RARB: variants seen among roughly 807,000 people sequenced by gnomAD.
RARB encodes the protein HBV-activated protein.
A neutral mutation model predicts 51.9 loss-of-function variants in RARB; 17 were observed. That is an observed-to-expected ratio of 0.33 (90% CI 0.22 to 0.49). RARB has a LOEUF of 0.49. Ranked by LOEUF, RARB falls within the 20% of genes least tolerant of loss-of-function variation. The pLI is 0.99. For missense variants in RARB, 369 were observed against 550.8 expected (o/e 0.67, Z 3.30); for synonymous variants, 215 against 195.4 (o/e 1.10, Z -0.84).
chr3:24,972,610 TG>T, intron 2 of RARB, among the ~76,000 whole-genome samples: 1 of 151,990 alleles, frequency 6.6e-6, no homozygotes, highest in Non-Finnish European at 1.5e-5. Context: ...CCACCAGCAG[TG>T]GTACAAGGGT....
chr3:25,010,559 G>A (rs761380843), intron 2 of RARB, among the ~76,000 whole-genome samples: 19 of 152,094 alleles, frequency 1.2e-4, no homozygotes, highest in Non-Finnish European at 2.4e-4. Context: ...TTATTGTAGG[G>A]ACTCACACTC....
chr3:25,503,175 G>A (rs75222858), intron 3 of RARB, among the ~76,000 whole-genome samples: 9,020 of 152,268 alleles, frequency 0.059, 292 homozygotes, highest in Non-Finnish European at 0.078. Flanking sequence ...TACATTTGAA[G>A]ATAGGAAGCT....
intron 5 of RARB, among the ~76,000 whole-genome samples, chr3:25,592,805 T>C (rs1367567713): frequency 6.6e-6 from 1 of 152,224 alleles, no homozygotes; most frequent in Non-Finnish European, 1.5e-5. Context: ...GCCCTTGATT[T>C]CCTCCTGGCT....
intron 3 of RARB, among the ~76,000 whole-genome samples, chr3:25,110,895 A>T (rs1295446139): frequency 6.6e-6 from 1 of 152,202 alleles, no homozygotes; most frequent in African/African-American, 2.4e-5. Flanking sequence ...TGAAAGACAC[A>T]TAAAGCCCCC....
chr3:24,987,600 C>T (rs973916792), intron 2 of RARB, among the ~76,000 whole-genome samples: 2 of 152,222 alleles, frequency 1.3e-5, no homozygotes, highest in East Asian at 1.9e-4. Context: ...TATATCCCTC[C>T]TGAGGGACTG....
At chr3:25,108,337 A>G (rs1699544392) in intron 3 of RARB, among the ~76,000 whole-genome samples, 1 of 152,212 alleles carries the variant, frequency 6.6e-6, no homozygotes, top group Non-Finnish European at 1.5e-5. Context: ...TATGTCTCAT[A>G]CAGAAGAGTC....
rs139461173 is a variant in RARB at position 25,126,641 on chromosome 3, C to T, written c.-327-5520C>T. Among the ~76,000 whole-genome samples, 489 of 152,254 alleles carry T rather than the reference C, an allele frequency of 3.2e-3. 4 individuals carry two copies. Among genetic ancestry groups the T allele is most frequent in the African/African-American group, 0.011 (459 of 41,546 alleles). ...AAATTATCTTTCCAGCCAGGTGATG[C>T]AGTGCTGCTGGCCCCAGACAATGCT... On this transcript the variant is annotated intron_variant, in intron 3 of 11. Transcript: ENST00000383772.
chr3:25,402,600 C>T (rs1027401655), intron 5 of RARB, among the ~76,000 whole-genome samples: 2 of 152,148 alleles, frequency 1.3e-5, no homozygotes, highest in East Asian at 1.9e-4. Context: ...GATACATATA[C>T]ACAATGGAGT....
intron 5 of RARB, among the ~76,000 whole-genome samples, chr3:25,359,072 T>C (rs1397350481): frequency 1.3e-5 from 2 of 152,202 alleles, no homozygotes; most frequent in Non-Finnish European, 2.9e-5. Context: ...TTCCTCTTTG[T>C]ACCTCTGGTA....
chr3:25,261,058 T>C (rs1702986166), intron 5 of RARB, among the ~76,000 whole-genome samples: 1 of 152,134 alleles, frequency 6.6e-6, no homozygotes, highest in South Asian at 2.1e-4. Context: ...CTAGGGTTGT[T>C]GTGGGAATTA....
chr3:24,859,658 T>C (rs1024684216), intron 2 of RARB, among the ~76,000 whole-genome samples: 1 of 152,218 alleles, frequency 6.6e-6, no homozygotes, highest in Non-Finnish European at 1.5e-5. Context: ...TGCAAAGATA[T>C]TAAAATCTGA....
chr3:24,904,621 A>G (rs1473561701), intron 2 of RARB, among the ~76,000 whole-genome samples: 2 of 152,240 alleles, frequency 1.3e-5, no homozygotes, highest in Non-Finnish European at 2.9e-5. Flanking sequence ...TCAAGGATAT[A>G]GAACTAGAAA....
chr3:25,024,398 G>A (rs1417008827), intron 2 of RARB, among the ~76,000 whole-genome samples: 1 of 152,134 alleles, frequency 6.6e-6, no homozygotes. Context: ...ATACAATTGT[G>A]TTGTGCTTTC....
At chr3:25,049,363 G>T (rs1292797524) in intron 2 of RARB, among the ~76,000 whole-genome samples, 2 of 152,312 alleles carry the variant, frequency 1.3e-5, no homozygotes, top group East Asian at 3.9e-4. Context: ...TCAAAAGTTT[G>T]CCAAGTATCG....
rs1575047060 is a variant in RARB at position 24,873,570 on chromosome 3, T to C, written c.-380+14818T>C. Among the ~76,000 whole-genome samples, 3 of 152,146 alleles carry C rather than the reference T, an allele frequency of 2.0e-5. No individual in the cohort carries two copies. In the East Asian group the frequency reaches 5.8e-4, roughly 29 times the overall value. The stretch of plus-strand genomic sequence containing the variant: ...ATTGTGGGTTCTCTCTACAGTAAGT[T>C]TTTTTAATTCTTCAATTCCTGTCCA... On this transcript the variant is annotated intron_variant, in intron 2 of 11. Transcript: ENST00000383772.
chr3:25,097,682 C>G (rs1324807836), intron 3 of RARB, among the ~76,000 whole-genome samples: 1 of 152,146 alleles, frequency 6.6e-6, no homozygotes, highest in Non-Finnish European at 1.5e-5. Flanking sequence ...TAATGGAGAG[C>G]AGTGCCACCA....
intron 2 of RARB, among the ~76,000 whole-genome samples, chr3:24,920,177 T>G (rs1695188775): frequency 6.6e-6 from 1 of 152,222 alleles, no homozygotes; most frequent in African/African-American, 2.4e-5. Flanking sequence ...TACTTTTAAT[T>G]TGGCAATTAG....
chr3:25,272,501 G>T (rs754408318), intron 5 of RARB, among the ~76,000 whole-genome samples: 2 of 152,180 alleles, frequency 1.3e-5, no homozygotes, highest in Non-Finnish European at 2.9e-5. Flanking sequence ...AGCTGGATCC[G>T]TTCCTACATC....
intron 2 of RARB, among the ~76,000 whole-genome samples, chr3:25,486,128 G>A (rs1287320348): frequency 6.6e-6 from 1 of 152,112 alleles, no homozygotes; most frequent in Non-Finnish European, 1.5e-5. Flanking sequence ...ATGCAAAAAG[G>A]GCCCATATTT....
Sources: allele counts gnomAD v4.1 joint callset (sites outside exome capture counted in the v4.1 genomes callset), GRCh38; gene constraint gnomAD v4.1.1; transcripts MANE v1.5; gene names NCBI Gene and HGNC (gene_info 2026-07-23, HGNC 2026-07-21).